ZFYVE28: variants seen among roughly 807,000 people sequenced by gnomAD.
ZFYVE28 encodes the protein zinc finger FYVE-type containing 28.
Under a neutral mutation model 82.1 loss-of-function variants are expected in ZFYVE28, and 40 were observed. The ratio of observed to expected loss-of-function variants is 0.49; its 90% CI spans 0.38 to 0.63. The LOEUF is 0.63. Among genes scored for constraint, ZFYVE28 ranks in the 30% least tolerant of loss-of-function variants. The probability of loss-of-function intolerance (pLI) is 0.00; values close to 1 mark genes in which losing one functional copy is unlikely to be tolerated. For missense variants in ZFYVE28, 1,321 were observed against 1,242.1 expected (o/e 1.06, Z -0.96); for synonymous variants, 612 against 546.1 (o/e 1.12, Z -1.68).
At chr4:2,323,274 T>C (rs1719373632) in intron 6 of ZFYVE28, among the ~76,000 whole-genome samples, 1 of 152,220 alleles carries the variant, frequency 6.6e-6, no homozygotes, top group Admixed American at 6.5e-5. Flanking sequence ...CATCATGGTT[T>C]TGACTTGCAT....
chr4:2,361,427 G>A (rs1218244074), intron 1 of ZFYVE28, among the ~76,000 whole-genome samples: 2 of 152,128 alleles, frequency 1.3e-5, no homozygotes, highest in African/African-American at 4.8e-5. Flanking sequence ...GACGCGGTGC[G>A]CACGTGTGAG....
chr4:2,326,713 G>A (rs1455451948), intron 6 of ZFYVE28, among the ~76,000 whole-genome samples: 4 of 152,122 alleles, frequency 2.6e-5, no homozygotes, highest in African/African-American at 9.7e-5. Flanking sequence ...TTTCATTGAT[G>A]TTTTATAGTT....
chr4:2,320,184 C>T lies in ZFYVE28; in HGVS notation c.789G>A (p.Leu263=). 6.2e-7 allele frequency: 1 copy of T among 1,613,888 alleles called. No homozygotes were observed. Among genetic ancestry groups the T allele is most frequent in the South Asian group, 1.1e-5 (1 of 91,034 alleles). The change falls in exon 7 of 13, where the codon TTG becomes TTA. Residue 263 remains leucine (L), a synonymous_variant. Transcript: ENST00000290974. The surrounding 1 kb of genome is among the most constrained non-coding windows in gnomAD (Gnocchi z 5.1). ...MSELFRPFHT[L]LRKIRDLLQT... is the part of the protein sequence containing the mutation. ...TCCATCCCCACCTTATTTTCCGCAG[C>T]AACGTGTGGAAGGGCCGGAACAGCT...
rs917663769 is a variant in ZFYVE28, at chr4:2,341,879, G to A, written c.181-264C>T. On this transcript the variant is annotated intron_variant, in intron 2 of 12. Transcript: ENST00000290974. This position sits in a 1 kb window ranked among gnomAD's most constrained non-coding sequence, Gnocchi z 4.5. ...TACTAAAAATACAAAAATTAGCCGG[G>A]CGTGGTAGCGCACACCTGTAATCCC... Among the ~76,000 whole-genome samples the A allele has an allele frequency of 3.3e-5, 5 of 152,202 alleles. No individual in the cohort carries two copies. Among genetic ancestry groups the A allele is most frequent in the Admixed American group, 2.0e-4 (3 of 15,280 alleles).
intron 1 of ZFYVE28, among the ~76,000 whole-genome samples, chr4:2,412,934 T>A (rs1157285108): frequency 6.6e-6 from 1 of 151,784 alleles, no homozygotes; most frequent in East Asian, 1.9e-4. Context: ...GCCTGCTGAG[T>A]CCAAATATCA....
intron 1 of ZFYVE28, among the ~76,000 whole-genome samples, chr4:2,359,080 T>G (rs1315400006): frequency 6.6e-6 from 1 of 151,096 alleles, no homozygotes. Flanking sequence ...GTTCACACCA[T>G]TCTCCTGCCT....
intron 2 of ZFYVE28, among the ~76,000 whole-genome samples, chr4:2,351,961 A>G (rs1427471433): frequency 6.6e-6 from 1 of 152,214 alleles, no homozygotes; most frequent in Admixed American, 6.5e-5. Flanking sequence ...AAATACAATT[A>G]TCCCTCAGTA....
intron 1 of ZFYVE28, among the ~76,000 whole-genome samples, chr4:2,378,735 C>A (rs769913203): frequency 6.6e-6 from 1 of 152,330 alleles, no homozygotes; most frequent in South Asian, 2.1e-4. Context: ...CCTGCTCCAT[C>A]CACCCACCCA....
chr4:2,308,736 A>G (rs1560182864), intron 7 of ZFYVE28, among the ~76,000 whole-genome samples: 1 of 151,654 alleles, frequency 6.6e-6, no homozygotes, highest in Non-Finnish European at 1.5e-5. Flanking sequence ...AAAAGAAAAG[A>G]AAGGAAGGAA....
intron 6 of ZFYVE28, chr4:2,328,804 CTTTTTTT>C: frequency 4.7e-6 from 1 of 214,766 alleles, no homozygotes; most frequent in African/African-American, 2.5e-5. Context: ...CAACTTTGTT[CTTTTTTT>C]TTTTTTTTTC....
intron 5 of ZFYVE28, 69 bp downstream of exon 5, chr4:2,337,338 C>T (rs933951013): frequency 2.1e-6 from 3 of 1,423,060 alleles, no homozygotes; most frequent in Non-Finnish European, 2.9e-6. Flanking sequence ...CTGCCCTCTG[C>T]CCCGGGCCTG....
intron 1 of ZFYVE28, among the ~76,000 whole-genome samples, chr4:2,386,551 T>A (rs762724920): frequency 6.6e-6 from 1 of 152,164 alleles, no homozygotes; most frequent in Non-Finnish European, 1.5e-5. Context: ...CAGCCGTTTG[T>A]GGACTGAGGG....
At chr4:2,355,035 G>A (rs1021387507) in intron 1 of ZFYVE28, among the ~76,000 whole-genome samples, 3 of 150,640 alleles carry the variant, frequency 2.0e-5, no homozygotes, top group Non-Finnish European at 3.0e-5. Flanking sequence ...ACCACCACAC[G>A]CCCCAACCCC....
intron 8 of ZFYVE28, among the ~76,000 whole-genome samples, chr4:2,274,903 C>T (rs1736264150): frequency 7.4e-6 from 1 of 135,402 alleles, no homozygotes; most frequent in Admixed American, 6.9e-5. Context: ...CTGGAGCCTG[C>T]AGACGGAGTG....
intron 6 of ZFYVE28, among the ~76,000 whole-genome samples, chr4:2,324,032 C>A (rs1040830796): frequency 6.6e-6 from 1 of 152,060 alleles, no homozygotes; most frequent in African/African-American, 2.4e-5. Context: ...AAATCCATTG[C>A]AAAATCTGAG....
intron 8 of ZFYVE28, among the ~76,000 whole-genome samples, chr4:2,274,549 C>T (rs937213670): frequency 2.6e-5 from 4 of 152,054 alleles, no homozygotes; most frequent in East Asian, 1.9e-4. Context: ...CCTATGGAAG[C>T]GTCAACTCAC....
At chr4:2,350,298 A>G (rs1004433245) in intron 2 of ZFYVE28, among the ~76,000 whole-genome samples, 11 of 151,896 alleles carry the variant, frequency 7.2e-5, no homozygotes, top group African/African-American at 2.2e-4. Flanking sequence ...CCCCATCTCT[A>G]CTAAAAATAC....
At chr4:2,301,383 A>C (rs10454801) in intron 8 of ZFYVE28, among the ~76,000 whole-genome samples, 2 of 151,928 alleles carry the variant, frequency 1.3e-5, no homozygotes, top group African/African-American at 4.8e-5. Context: ...CACTGACCTA[A>C]ATTGAACCGA....
rs909351625 is a variant in ZFYVE28, at chr4:2,417,511, A to G, written c.39+774T>C. Among the ~76,000 whole-genome samples, 1 of 150,688 alleles carries G rather than the reference A, an allele frequency of 6.6e-6. No individual in the cohort carries two copies. Among genetic ancestry groups the G allele is most frequent in the Non-Finnish European group, 1.5e-5 (1 of 67,664 alleles). ...GCGCGGGCGCCGGCTGGAGAGCCGC[A>G]CCTCCCGCCCCGCCGAGGCTGCTGG... On this transcript the variant is annotated intron_variant, in intron 1 of 12. Transcript: ENST00000290974. This position sits in a 1 kb window ranked among gnomAD's most constrained non-coding sequence, Gnocchi z 4.8.
Sources: gnomAD v4.1 joint callset for allele counts (sites outside exome capture counted in the v4.1 genomes callset) on GRCh38, gnomAD v4.1.1 for gene constraint, Gnocchi (gnomAD v3.1) non-coding constraint, MANE v1.5 for transcripts, NCBI Gene and HGNC (gene_info 2026-07-23, HGNC 2026-07-21) for gene names.